CIT: variants seen among roughly 807,000 people sequenced by gnomAD.
CIT encodes citron Rho-interacting kinase.
In CIT, 79 loss-of-function variants were observed where a neutral mutation model predicts 272.7. The observed-to-expected ratio is 0.29, with a 90% CI of 0.24 to 0.35. The LOEUF is 0.35. CIT is among the 10% of genes least tolerant of loss of function. The pLI is 1.00. For synonymous variants in CIT, 948 were observed against 995.6 expected (o/e 0.95, Z 0.90); for missense variants, 1,909 against 2,618.3 (o/e 0.73, Z 5.91).
chr12:119,857,873 T>C (rs1040544097), intron 3 of CIT, among the ~76,000 whole-genome samples, 175 bp from the exon 4 acceptor site: 1 of 152,230 alleles, frequency 6.6e-6, no homozygotes, highest in African/African-American at 2.4e-5. Context: ...TGTTTTTATA[T>C]GTTAAGTTAA....
At chr12:119,802,526 A>G (rs1006624528) in intron 10 of CIT, among the ~76,000 whole-genome samples, 2 of 151,868 alleles carry the variant, frequency 1.3e-5, no homozygotes, top group African/African-American at 2.4e-5. Flanking sequence ...TTTTCCCCCT[A>G]TGAAGCCCAG....
At chr12:119,863,981 T>G (rs772772642) in intron 3 of CIT, among the ~76,000 whole-genome samples, 1 of 152,180 alleles carries the variant, frequency 6.6e-6, no homozygotes, top group Non-Finnish European at 1.5e-5. Flanking sequence ...ATCTTGGACT[T>G]CCCAGTCTTC....
chr12:119,853,833 C>T (rs1243370443), intron 4 of CIT, among the ~76,000 whole-genome samples: 2 of 151,968 alleles, frequency 1.3e-5, no homozygotes, highest in African/African-American at 4.8e-5. Context: ...CCCCGTCTGA[C>T]CCCTGAAGCT....
At chr12:119,814,232 G>A (rs1966931123) in intron 9 of CIT, among the ~76,000 whole-genome samples, 1 of 152,028 alleles carries the variant, frequency 6.6e-6, no homozygotes, top group Non-Finnish European at 1.5e-5. Context: ...TCAGACTAGT[G>A]GGGGAAAATC....
chr12:119,825,780 G>A (rs1298444966), intron 7 of CIT, among the ~76,000 whole-genome samples: 1 of 152,156 alleles, frequency 6.6e-6, no homozygotes, highest in Non-Finnish European at 1.5e-5. Context: ...TAGAAAACTG[G>A]CAGTTGGCCA....
chr12:119,832,350 A>G (rs1211516971), intron 7 of CIT, among the ~76,000 whole-genome samples: 1 of 152,212 alleles, frequency 6.6e-6, no homozygotes, highest in Non-Finnish European at 1.5e-5. Flanking sequence ...TTAACACTTA[A>G]GGATATTTGG....
At chr12:119,774,889 A>C (rs1158182790) in intron 16 of CIT, among the ~76,000 whole-genome samples, 1 of 151,680 alleles carries the variant, frequency 6.6e-6, no homozygotes, top group Non-Finnish European at 1.5e-5. Context: ...TGGGAGGATC[A>C]CCTGAGCGTG....
intron 10 of CIT, among the ~76,000 whole-genome samples, chr12:119,789,290 C>T (rs1255576606): frequency 6.6e-6 from 1 of 152,166 alleles, no homozygotes; most frequent in Non-Finnish European, 1.5e-5. Context: ...ATTGTATGAC[C>T]ATCCCCAGCA....
intron 2 of CIT, among the ~76,000 whole-genome samples, 198 bp from the exon 3 acceptor site, chr12:119,869,399 G>A (rs1950603801): frequency 6.6e-6 from 1 of 152,198 alleles, no homozygotes; most frequent in Non-Finnish European, 1.5e-5. Context: ...TTCCAAGACT[G>A]TGGGTTTCTT....
intron 10 of CIT, among the ~76,000 whole-genome samples, chr12:119,799,002 T>A (rs1378880309): frequency 2.0e-5 from 3 of 152,194 alleles, no homozygotes; most frequent in Non-Finnish European, 2.9e-5. Flanking sequence ...CTGGACCTTC[T>A]AATTCTGTTC....
At chr12:119,716,646 T>G (rs1957503903) in intron 32 of CIT, among the ~76,000 whole-genome samples, 2 of 152,088 alleles carry the variant, frequency 1.3e-5, no homozygotes, top group Non-Finnish European at 2.9e-5. Context: ...ATGGAGTACA[T>G]TTGAGACCAG....
intron 17 of CIT, among the ~76,000 whole-genome samples, chr12:119,771,116 T>C (rs1274070176): frequency 6.6e-6 from 1 of 152,180 alleles, no homozygotes; most frequent in Non-Finnish European, 1.5e-5. Flanking sequence ...TTCATTCAAA[T>C]ATTTACCAAG....
chr12:119,829,978 T>C (rs574871009), intron 7 of CIT, among the ~76,000 whole-genome samples: 41 of 152,022 alleles, frequency 2.7e-4, no homozygotes, highest in African/African-American at 7.7e-4. Flanking sequence ...TTATATGGTA[T>C]ACTATGAGTA....
intron 46 of CIT, among the ~76,000 whole-genome samples, chr12:119,693,059 A>T (rs1956046136): frequency 6.7e-6 from 1 of 149,158 alleles, no homozygotes; most frequent in South Asian, 2.1e-4. Context: ...AACTATCATA[A>T]AACAAATGAG....
chr12:119,695,915 T>C (rs1435792594), intron 46 of CIT, among the ~76,000 whole-genome samples: 2 of 152,252 alleles, frequency 1.3e-5, no homozygotes, highest in Non-Finnish European at 2.9e-5. Context: ...TTATACTATA[T>C]TGTTTAGGGA....
At position 119,785,026 on chromosome 12, in the gene CIT, G is replaced by C. The variant is rs746713545; in HGVS notation, c.1335C>G (p.Ser445Arg). The change falls in exon 11 of 48, where the codon AGC (serine) becomes AGG (arginine). Residue 445 changes from serine (S) to arginine (R), a missense_variant. Physicochemically the swap from Ser to Arg is moderately radical, Grantham distance 110. This residue lies in a region of CIT where 529 missense variants were observed against 549.6 expected (regional missense o/e 0.96). Transcript: ENST00000392521. The stretch of plus-strand genomic sequence containing the variant: ...TGATGAGAAGTTTCTTTTCCATGGA[G>C]CTAGTCTTGGCAGGGGAGTCCAGAC... ...VSGLDSPAKT[S>R]SMEKKLLIKS... 4.3e-6 allele frequency: 7 copies of C among 1,614,084 alleles called. No individual in the cohort carries two copies. The highest frequency in any genetic ancestry group is 5.1e-6 in the Non-Finnish European group (6 of 1,180,048).
Position 119,770,782 on chromosome 12 carries a change from C to T in CIT, c.2208+3G>A, listed in dbSNP as rs1224363515. The stretch of plus-strand genomic sequence containing the variant: ...TAACTTTGCGACTTTCATTCCTGCT[C>T]ACCAGAATTTTATCAGCCATCTGCT... On this transcript the variant is annotated splice_donor_region_variant and intron_variant, in intron 18 of 47. Coordinates refer to ENST00000392521, the MANE Select transcript of CIT (RefSeq NM_001206999.2). This position sits in a 1 kb window ranked among gnomAD's most constrained non-coding sequence, Gnocchi z 4.4. 1.2e-6 allele frequency: 2 copies of T among 1,612,710 alleles called. No homozygotes were observed. The highest frequency in any genetic ancestry group is 2.7e-5 in the African/African-American group (2 of 74,918).
intron 10 of CIT, among the ~76,000 whole-genome samples, chr12:119,788,183 TA>T (rs1166195397): frequency 1.3e-5 from 2 of 152,238 alleles, no homozygotes; most frequent in African/African-American, 4.8e-5. Context: ...CTAGAAATTT[TA>T]ACCAAGTTCT....
chr12:119,735,075 G>T, intron 25 of CIT, 85 bp downstream of exon 25: 2 of 1,309,938 alleles, frequency 1.5e-6, no homozygotes, highest in Non-Finnish European at 1.1e-6. Flanking sequence ...TTCAGTGTTG[G>T]AACCCTTGGG....
Sources: allele counts gnomAD v4.1 joint callset (sites outside exome capture counted in the v4.1 genomes callset), GRCh38; gene constraint gnomAD v4.1.1; regional missense constraint gnomAD v4.1.1; non-coding constraint Gnocchi (gnomAD v3.1); transcripts MANE v1.5; gene names NCBI Gene and HGNC (gene_info 2026-07-23, HGNC 2026-07-21).